Variants in DNAH11 observed in about 807,000 individuals in gnomAD.
The protein encoded by DNAH11 is dynein axonemal heavy chain 11.
In DNAH11, 442 loss-of-function variants were observed where a neutral mutation model predicts 526.0. The ratio of observed to expected loss-of-function variants is 0.84; its 90% CI spans 0.78 to 0.91. DNAH11 has a LOEUF of 0.91. Ranked by LOEUF, DNAH11 falls within the 40% of genes least tolerant of loss-of-function variation. DNAH11 has a pLI of 0.00. For synonymous variants in DNAH11, 2,461 were observed against 1,935.9 expected, an observed-to-expected ratio of 1.27 and a Z score of -7.12; for missense variants, 6,989 against 5,448.7, an observed-to-expected ratio of 1.28 and a Z score of -8.90.
chr7:21,770,362 GAAAC>G lies in DNAH11; in HGVS notation c.9103-3400_9103-3397del, dbSNP rs577120974. ...TAAGATTTTGAAGAATTTTGTGCGT[GAAAC>G]AAAGTTTTGACTGTGACCCATTACA... On this transcript the variant is annotated intron_variant, in intron 55 of 81. Transcript: ENST00000409508. 1.3e-4 allele frequency among the ~76,000 whole-genome samples: 20 copies of G among 152,326 alleles called. No homozygotes were observed. The East Asian group carries it at 2.7e-3, about 21-fold the overall frequency.
chr7:21,814,777 G>A (rs182230812), intron 63 of DNAH11, among the ~76,000 whole-genome samples: 3 of 151,756 alleles, frequency 2.0e-5, no homozygotes, highest in East Asian at 1.9e-4. Flanking sequence ...ATCATATGGC[G>A]CTTGCCTGTA....
intron 30 of DNAH11, among the ~76,000 whole-genome samples, chr7:21,668,996 C>T (rs1782529609): frequency 6.6e-6 from 1 of 152,078 alleles, no homozygotes; most frequent in Non-Finnish European, 1.5e-5. Flanking sequence ...TATTGTCAGT[C>T]TTATAATTGC....
chr7:21,745,156 G>T (rs1786089515), intron 51 of DNAH11, 93 bp downstream of exon 51: 6 of 1,304,780 alleles, frequency 4.6e-6, no homozygotes, highest in Non-Finnish European at 6.3e-6. Context: ...TAAGCACTCT[G>T]AACCATCAGT....
At chr7:21,756,023 C>T (rs1486757466) in intron 54 of DNAH11, among the ~76,000 whole-genome samples, 1 of 151,934 alleles carries the variant, frequency 6.6e-6, no homozygotes, top group East Asian at 1.9e-4. Context: ...CATAATTCTG[C>T]TAACTTTATG....
chr7:21,878,268 T>C (rs1196668238), intron 74 of DNAH11, among the ~76,000 whole-genome samples: 1 of 152,244 alleles, frequency 6.6e-6, no homozygotes, highest in Non-Finnish European at 1.5e-5. Flanking sequence ...AAGAAATGGA[T>C]TGACTTGTTT....
At chr7:21,626,473 C>G (rs548748408) in intron 25 of DNAH11, among the ~76,000 whole-genome samples, 2 of 152,012 alleles carry the variant, frequency 1.3e-5, no homozygotes, top group Non-Finnish European at 2.9e-5. Flanking sequence ...GGGTATATAC[C>G]TAGTAGTGGA....
At chr7:21,758,768 G>A (rs1250491884) in intron 54 of DNAH11, among the ~76,000 whole-genome samples, 1 of 152,196 alleles carries the variant, frequency 6.6e-6, no homozygotes, top group Non-Finnish European at 1.5e-5. Flanking sequence ...GAACATCACT[G>A]TACGTTGAAT....
At chr7:21,594,086 A>ACG (rs1784787895) in intron 14 of DNAH11, among the ~76,000 whole-genome samples, 2 of 146,772 alleles carry the variant, frequency 1.4e-5, no homozygotes, top group South Asian at 4.2e-4. Flanking sequence ...ACACACACAC[A>ACG]CACACACACA....
At chr7:21,825,325 A>G (rs978379928) in intron 65 of DNAH11, among the ~76,000 whole-genome samples, 8 of 152,248 alleles carry the variant, frequency 5.3e-5, no homozygotes, top group African/African-American at 1.9e-4. Context: ...ACAGGTACAC[A>G]CATTCATGCA....
intron 9 of DNAH11, among the ~76,000 whole-genome samples, chr7:21,584,266 A>G (rs142841978): frequency 6.6e-6 from 1 of 152,212 alleles, no homozygotes; most frequent in Non-Finnish European, 1.5e-5. Flanking sequence ...GAATGAGTTC[A>G]TGTCCTTTGC....
chr7:21,577,356 C>T (rs1784135407), intron 8 of DNAH11, among the ~76,000 whole-genome samples: 2 of 152,198 alleles, frequency 1.3e-5, no homozygotes, highest in African/African-American at 4.8e-5. Flanking sequence ...TGAAAATGCT[C>T]CAACTCCCAC....
chr7:21,853,479 G>A (rs1782718585), intron 67 of DNAH11, among the ~76,000 whole-genome samples: 1 of 152,162 alleles, frequency 6.6e-6, no homozygotes, highest in South Asian at 2.1e-4. Flanking sequence ...ACTTAGCTTT[G>A]AAGTTAACTT....
At position 21,839,587 on chromosome 7, in the gene DNAH11, A is replaced by AAG. The variant is rs530850733; in HGVS notation, c.10692-2957_10692-2956insAG. The stretch of plus-strand genomic sequence containing the variant: ...GAGACTCCGTTTCAAAAAAAAAAAA[A>AAG]GGGGACGTATGTAATGCACAGGTAT... On this transcript the variant is annotated intron_variant, in intron 65 of 81. Coordinates refer to ENST00000409508, the MANE Select transcript of DNAH11 (RefSeq NM_001277115.2). Among the ~76,000 whole-genome samples, 628 of 150,810 alleles carry AAG rather than the reference A, an allele frequency of 4.2e-3. 4 individuals are homozygous for AAG. The highest frequency in any genetic ancestry group is 0.014 in the African/African-American group (587 of 40,824).
At chr7:21,884,744 G>A (rs931248643) in intron 76 of DNAH11, among the ~76,000 whole-genome samples, 1 of 152,178 alleles carries the variant, frequency 6.6e-6, no homozygotes, top group African/African-American at 2.4e-5. Context: ...AGACCGAGAT[G>A]CTGAAACATG....
chr7:21,818,405 G>C, intron 65 of DNAH11, 66 bp downstream of exon 65: 2 of 1,541,258 alleles, frequency 1.3e-6, no homozygotes, highest in Admixed American at 3.9e-5. Context: ...GCATCTCTTA[G>C]CTTCATAGTC....
At chr7:21,634,288 A>T (rs980769664) in intron 25 of DNAH11, among the ~76,000 whole-genome samples, 2 of 152,192 alleles carry the variant, frequency 1.3e-5, no homozygotes, top group African/African-American at 4.8e-5. Flanking sequence ...GAACTAGATA[A>T]AGAGACTAAA....
Position 21,749,629 on chromosome 7 carries a change from C to T in DNAH11, c.8674-49C>T, listed in dbSNP as rs367830273. ...CCAGCACTCACACACAACCTCTCAA[C>T]GCCGCATCAGCATTTTAACAAAACA... On this transcript the variant is annotated intron_variant, in intron 52 of 81. Coordinates refer to ENST00000409508, the MANE Select transcript of DNAH11 (RefSeq NM_001277115.2). 5.3e-5 allele frequency: 85 copies of T among 1,606,282 alleles called. No homozygotes were observed. The African/African-American group carries it at 6.7e-4, about 13-fold the overall frequency.
At chr7:21,843,912 AT>A (rs1782313975) in intron 66 of DNAH11, among the ~76,000 whole-genome samples, 1 of 152,252 alleles carries the variant, frequency 6.6e-6, no homozygotes, top group Non-Finnish European at 1.5e-5. Flanking sequence ...TACATTAAGA[AT>A]TAAAACAAGG....
At chr7:21,893,305 C>A (rs959457603) in intron 77 of DNAH11, among the ~76,000 whole-genome samples, 1 of 152,196 alleles carries the variant, frequency 6.6e-6, no homozygotes, top group African/African-American at 2.4e-5. Flanking sequence ...ACCAGCAGTG[C>A]GTGTGAGTTC....
Sources: gnomAD v4.1 joint callset for allele counts (sites outside exome capture counted in the v4.1 genomes callset) on GRCh38, gnomAD v4.1.1 for gene constraint, MANE v1.5 for transcripts, NCBI Gene and HGNC (gene_info 2026-07-23, HGNC 2026-07-21) for gene names.